EIF2AK1: variants seen among roughly 807,000 people sequenced by gnomAD.
EIF2AK1 encodes the protein eukaryotic translation initiation factor 2-alpha kinase 1.
In EIF2AK1, 54 loss-of-function variants were observed where a neutral mutation model predicts 77.9. The observed-to-expected ratio is 0.69, with a 90% CI of 0.56 to 0.87. The LOEUF is 0.87. Among genes scored for constraint, EIF2AK1 ranks in the 40% least tolerant of loss-of-function variants. The pLI, the probability that EIF2AK1 is intolerant of heterozygous loss-of-function variation, is 0.00. For synonymous variants in EIF2AK1, 314 were observed against 290.5 expected, an observed-to-expected ratio of 1.08 and a Z score of -0.82; for missense variants, 810 against 768.6, an observed-to-expected ratio of 1.05 and a Z score of -0.64.
intron 14 of EIF2AK1, among the ~76,000 whole-genome samples, chr7:6,025,945 C>T (rs1172382297): frequency 2.6e-5 from 4 of 152,046 alleles, no homozygotes; most frequent in Non-Finnish European, 5.9e-5. Flanking sequence ...GGCCAGGATT[C>T]ACAATTTGAA....
chr7:6,044,468 T>C, intron 7 of EIF2AK1, 94 bp downstream of exon 7: 1 of 964,872 alleles, frequency 1.0e-6, no homozygotes, highest in Non-Finnish European at 1.6e-6. Context: ...CATTCTCAGC[T>C]TGTGGTATGT....
At chr7:6,025,733 C>T (rs1428843934) in intron 14 of EIF2AK1, among the ~76,000 whole-genome samples, 1 of 152,162 alleles carries the variant, frequency 6.6e-6, no homozygotes, top group Non-Finnish European at 1.5e-5. Flanking sequence ...CCTCCCAGTT[C>T]AAGTGACTGT....
intron 11 of EIF2AK1, among the ~76,000 whole-genome samples, chr7:6,030,319 C>A (rs1787870482): frequency 6.6e-6 from 1 of 152,130 alleles, no homozygotes; most frequent in South Asian, 2.1e-4. Context: ...CAGTGAGGAA[C>A]TGAGGTAGGG....
At chr7:6,046,750 A>C (rs1583493232) in intron 5 of EIF2AK1, 1 of 333,078 alleles carries the variant, frequency 3.0e-6, no homozygotes, top group East Asian at 6.4e-5. Flanking sequence ...AAAAATACAA[A>C]AATTAGCTGG....
rs370663013 is a variant in EIF2AK1, at chr7:6,022,550, G to C, written c.*2123C>G. On this transcript the variant is annotated 3_prime_UTR_variant, in exon 15 of 15. Coordinates refer to ENST00000199389, the MANE Select transcript of EIF2AK1 (RefSeq NM_014413.4). ...TTCTGTGGCATACTGGCCACATAGCGATTTGCATCAGGTCAGATATTCTAA... is the reference window on the plus strand; with the variant it reads ...TTCTGTGGCATACTGGCCACATAGCCATTTGCATCAGGTCAGATATTCTAA... 2 of 152,236 alleles carry C rather than the reference G, an allele frequency of 1.3e-5. No homozygotes were observed. The highest frequency in any genetic ancestry group is 4.8e-5 in the African/African-American group (2 of 41,458). The allele number at this position is 152,236 out of a possible 1,614,324, so 9.4% of individuals were successfully genotyped here. A position where few individuals can be genotyped will look rare whatever the true frequency, so the allele number is the denominator to read the frequency against.
intron 12 of EIF2AK1, 100 bp from the exon 13 acceptor site, chr7:6,028,797 A>C (rs558177877): frequency 1.4e-6 from 2 of 1,411,332 alleles, no homozygotes; most frequent in Non-Finnish European, 2.0e-6. Flanking sequence ...AGAGAACAAC[A>C]GTTGCTTTGT....
chr7:6,035,603 A>C lies in EIF2AK1; in HGVS notation c.1332+1821T>G. 6.4e-7 allele frequency: 1 copy of C among 1,551,074 alleles called. No individual in the cohort carries two copies. The highest frequency in any genetic ancestry group is 8.7e-7 in the Non-Finnish European group (1 of 1,147,098). ...GCATCTTGTGTGCGCACGGAGCTCA[A>C]GTGAACACTCAAGGGGAAATCAGCA... On this transcript the variant is annotated intron_variant, in intron 11 of 14. Coordinates refer to ENST00000199389, the MANE Select transcript of EIF2AK1 (RefSeq NM_014413.4). The surrounding 1 kb of genome is among the most constrained non-coding windows in gnomAD (Gnocchi z 5.5).
intron 14 of EIF2AK1, among the ~76,000 whole-genome samples, 186 bp from the exon 15 acceptor site, chr7:6,024,987 C>T (rs1448572912): frequency 4.0e-5 from 6 of 151,734 alleles, no homozygotes; most frequent in African/African-American, 1.5e-4. Context: ...TACAGGCGCT[C>T]TCATACAAGC....
chr7:6,028,721 T>G, intron 12 of EIF2AK1, 24 bp from the exon 13 acceptor site: 3 of 1,609,530 alleles, frequency 1.9e-6, no homozygotes, highest in Non-Finnish European at 2.6e-6. Context: ...AGCCACATAT[T>G]AAACATTGCA....
At position 6,035,887 on chromosome 7, in the gene EIF2AK1, T is replaced by C. The variant is rs1466973963; in HGVS notation, c.1332+1537A>G. ...ACTGCATCAAGCAAAGCAGGCCGAC[T>C]CCTCGGGGCGGGGGTCAGCTGCATC... On this transcript the variant is annotated intron_variant, in intron 11 of 14. Coordinates refer to ENST00000199389, the MANE Select transcript of EIF2AK1 (RefSeq NM_014413.4). The surrounding 1 kb of genome is among the most constrained non-coding windows in gnomAD (Gnocchi z 5.5). 1.9e-6 allele frequency: 3 copies of C among 1,546,596 alleles called. No homozygotes were observed. The highest frequency in any genetic ancestry group is 3.9e-5 in the Admixed American group (2 of 50,736).
chr7:6,024,403 G>A lies in EIF2AK1; in HGVS notation c.*270C>T, dbSNP rs527729889. The A allele has an allele frequency of 3.0e-6, 4 of 1,316,334 alleles. No homozygotes were observed. The highest frequency in any genetic ancestry group is 1.5e-5 in the African/African-American group (1 of 67,066). The allele number at this position is 1,316,334 out of a possible 1,614,324, so 81.5% of individuals were successfully genotyped here. ...CCTTCTAGAGGAAGACCAGACAGAG[G>A]GTCAACAGAGTTGAAAGGAGAAAAT... On this transcript the variant is annotated 3_prime_UTR_variant, in exon 15 of 15. Coordinates refer to ENST00000199389, the MANE Select transcript of EIF2AK1 (RefSeq NM_014413.4).
rs746504515 is a variant in EIF2AK1 at position 6,041,013 on chromosome 7, A to G, written c.998T>C (p.Leu333Ser). ...CTGTTCCACAATTGAACTGGCAGAC[A>G]AACCAGCCAAGCCATTTTCCTGGAG... ...LELQENGLAG[L>S]SASSIVEQQL... The change falls in exon 9 of 15, where the codon TTG becomes TCG. Residue 333 changes from leucine to serine, a missense_variant. Leu to Ser is a moderately radical substitution (Grantham distance 145, BLOSUM62 -2). Coordinates refer to ENST00000199389, the MANE Select transcript of EIF2AK1 (RefSeq NM_014413.4). The G allele has an allele frequency of 9.3e-6, 15 of 1,614,224 alleles. No homozygotes were observed. The highest frequency in any genetic ancestry group is 1.6e-4 in the Middle Eastern group (1 of 6,062).
At chr7:6,031,641 G>A (rs1287848214) in intron 11 of EIF2AK1, 1 of 1,525,774 alleles carries the variant, frequency 6.6e-7, no homozygotes, top group Admixed American at 2.0e-5. Context: ...AGGCTGCTTA[G>A]AAAGAAGCAT....
At chr7:6,053,840 C>CA (rs2128892043) in intron 2 of EIF2AK1, among the ~76,000 whole-genome samples, 1 of 77,590 alleles carries the variant, frequency 1.3e-5, no homozygotes, top group Admixed American at 1.3e-4. Flanking sequence ...GGTAGTTTTG[C>CA]ATTTTTTTTT....
In EIF2AK1 at chr7:6,023,276, GCTAC is replaced by G; in HGVS notation, c.*1393_*1396del. 1 of 1,560,040 alleles carries G rather than the reference GCTAC, an allele frequency of 6.4e-7. No homozygotes were observed. Among genetic ancestry groups the G allele is most frequent in the Non-Finnish European group, 8.6e-7 (1 of 1,159,150 alleles). On this transcript the variant is annotated 3_prime_UTR_variant, in exon 15 of 15. Coordinates refer to ENST00000199389, the MANE Select transcript of EIF2AK1 (RefSeq NM_014413.4). The stretch of plus-strand genomic sequence containing the variant: ...CTTCCCTCAGGGCTGCTCTGGTGAT[GCTAC>G]CTGGCGTGTTTTTTCTTTTCAGTGC...
rs188238155 is a variant in EIF2AK1 at position 6,044,587 on chromosome 7, T to C, written c.705A>G (p.Glu235=). 6.2e-7 allele frequency: 1 copy of C among 1,614,066 alleles called. No homozygotes were observed. Among genetic ancestry groups the C allele is most frequent in the East Asian group, 2.2e-5 (1 of 44,882 alleles). Residue 235 remains glutamate, a synonymous_variant, in exon 7 of 15, where the codon GAA becomes GAG. Transcript: ENST00000199389. The part of the protein sequence containing the change: ...NIVGYHTAWI[E]HVHVIQPRAD... ...CTCGTGGCTGAATCACATGAACATG[T>C]TCTATCCACGCGGTGTGATAGCCAA...
Position 6,047,098 on chromosome 7 carries a change from G to C in EIF2AK1, c.450-7C>G. On this transcript the variant is annotated splice_polypyrimidine_tract_variant and splice_region_variant and intron_variant, in intron 4 of 14. Transcript: ENST00000199389. ...CAAGGCTACTTCCCTTGATCTGAAA[G>C]TTAAATACAAACAATCAATATTAAA... is the stretch of plus-strand genomic sequence containing the variant. 2 of 1,607,118 alleles carry C rather than the reference G, an allele frequency of 1.2e-6. No homozygotes were observed. Among genetic ancestry groups the C allele is most frequent in the Non-Finnish European group, 1.7e-6 (2 of 1,174,550 alleles).
chr7:6,038,585 G>T lies in EIF2AK1; in HGVS notation c.1206C>A (p.Gly402=). The change falls in exon 10 of 15, where the codon GGC becomes GGA. Residue 402 remains glycine, a synonymous_variant. Transcript: ENST00000199389. The stretch of plus-strand genomic sequence containing the variant: ...AGGCAGACTCGTCCACATACTCCCG[G>T]CCCCGCTTGTTTCTCTCGACTATCC... ...WDWIVERNKR[G]REYVDESACP... is the part of the protein sequence containing the mutation. 1.2e-6 allele frequency: 2 copies of T among 1,612,792 alleles called. No individual in the cohort carries two copies. The highest frequency in any genetic ancestry group is 1.7e-6 in the Non-Finnish European group (2 of 1,179,422).
At chr7:6,054,890 T>C (rs1788706542) in intron 1 of EIF2AK1, among the ~76,000 whole-genome samples, 186 bp from the exon 2 acceptor site, 1 of 152,120 alleles carries the variant, frequency 6.6e-6, no homozygotes, top group African/African-American at 2.4e-5. Context: ...AGCTGAATCC[T>C]GGAAGCTGGA....
Sources: gnomAD v4.1 joint callset for allele counts (sites outside exome capture counted in the v4.1 genomes callset) on GRCh38, gnomAD v4.1.1 for gene constraint, Gnocchi (gnomAD v3.1) non-coding constraint, MANE v1.5 for transcripts, NCBI Gene and HGNC (gene_info 2026-07-23, HGNC 2026-07-21) for gene names.